CLEC16A: variants seen among roughly 807,000 people sequenced by gnomAD.
The protein encoded by CLEC16A is C-type lectin domain containing 16A, also known as protein CLEC16A.
Under a neutral mutation model 109.5 loss-of-function variants are expected in CLEC16A, and 51 were observed. The ratio of observed to expected loss-of-function variants is 0.47; its 90% CI spans 0.37 to 0.59. The LOEUF is 0.59. Among genes scored for constraint, CLEC16A ranks in the 20% least tolerant of loss-of-function variants. The probability of loss-of-function intolerance (pLI) is 0.00; values close to 1 mark genes in which losing one functional copy is unlikely to be tolerated. For synonymous variants in CLEC16A, 673 were observed against 564.2 expected (o/e 1.19, Z -2.73); for missense variants, 1,339 against 1,394.0 (o/e 0.96, Z 0.63).
chr16:11,068,420 C>T lies in CLEC16A; in HGVS notation c.2116+7398C>T, dbSNP rs1467406011. Reference sequence around the variant, plus strand: ...ATATGAGACAGTGACAGTCTGTCCACGCAGAGCCTGCATCCCCACAGGCAG... The same window carrying T: ...ATATGAGACAGTGACAGTCTGTCCATGCAGAGCCTGCATCCCCACAGGCAG... On this transcript the variant is annotated intron_variant, in intron 19 of 23. Coordinates refer to ENST00000409790, the MANE Select transcript of CLEC16A (RefSeq NM_015226.3). Among the ~76,000 whole-genome samples the T allele has an allele frequency of 3.3e-5, 5 of 152,336 alleles. No individual in the cohort carries two copies. In the East Asian group the frequency reaches 7.7e-4, roughly 23 times the overall value.
chr16:11,063,494 C>G (rs764518904), intron 19 of CLEC16A, among the ~76,000 whole-genome samples: 2 of 151,886 alleles, frequency 1.3e-5, no homozygotes, highest in Non-Finnish European at 2.9e-5. Flanking sequence ...AAGCTGACTC[C>G]GGGAGAAATG....
chr16:11,010,980 T>A (rs908927279), intron 11 of CLEC16A, among the ~76,000 whole-genome samples: 1 of 152,204 alleles, frequency 6.6e-6, no homozygotes, highest in Non-Finnish European at 1.5e-5. Context: ...ATGGGTGATG[T>A]CATGCACTTC....
chr16:11,034,441 T>G (rs894137596), intron 13 of CLEC16A, among the ~76,000 whole-genome samples: 4 of 152,184 alleles, frequency 2.6e-5, no homozygotes, highest in African/African-American at 7.2e-5. Context: ...CTACCCTAAA[T>G]GGGGGCTACT....
intron 22 of CLEC16A, among the ~76,000 whole-genome samples, chr16:11,147,663 G>A (rs1294538588): frequency 6.6e-6 from 1 of 152,144 alleles, no homozygotes; most frequent in Non-Finnish European, 1.5e-5. Flanking sequence ...ACTTTAAATG[G>A]ATTCATTGTA....
At chr16:10,971,413 C>A in intron 5 of CLEC16A, 183 bp downstream of exon 5, 1 of 463,238 alleles carries the variant, frequency 2.2e-6, no homozygotes, top group Non-Finnish European at 2.8e-6. Context: ...CATGGAAATC[C>A]TTGCCTTCTC....
At chr16:11,087,193 T>G (rs1405394305) in intron 19 of CLEC16A, among the ~76,000 whole-genome samples, 2 of 152,320 alleles carry the variant, frequency 1.3e-5, no homozygotes, top group East Asian at 3.9e-4. Flanking sequence ...TAAAACCATC[T>G]TAGGTCCCTG....
rs545597392 is a variant in CLEC16A, at chr16:11,010,108, G to A, written c.1303+6803G>A. Among the ~76,000 whole-genome samples, 72 of 151,996 alleles carry A rather than the reference G, an allele frequency of 4.7e-4. 1 individual carries two copies. Among genetic ancestry groups the A allele is most frequent in the Non-Finnish European group, 7.6e-4 (52 of 67,988 alleles). On this transcript the variant is annotated intron_variant, in intron 11 of 23. Coordinates refer to ENST00000409790, the MANE Select transcript of CLEC16A (RefSeq NM_015226.3). ...GTTGAAGCTACAGTGAACTGTGATC[G>A]TGCCACACACTCCAGCCGGGGTGAC...
intron 19 of CLEC16A, among the ~76,000 whole-genome samples, chr16:11,114,921 C>A (rs889567615): frequency 6.6e-6 from 1 of 152,252 alleles, no homozygotes; most frequent in African/African-American, 2.4e-5. Context: ...TCCTGTCTCA[C>A]TGGTGTGGCC....
intron 13 of CLEC16A, among the ~76,000 whole-genome samples, chr16:11,032,760 T>C (rs1189950787): frequency 6.6e-6 from 1 of 152,034 alleles, no homozygotes; most frequent in African/African-American, 2.4e-5. Flanking sequence ...GGGAGCAGCA[T>C]GTACAGAGGC....
chr16:11,027,318 G>A lies in CLEC16A; in HGVS notation c.1537+2397G>A, dbSNP rs951809887. The A allele has an allele frequency of 4.0e-5, 58 of 1,456,726 alleles. No homozygotes were observed. The Middle Eastern group carries it at 8.7e-4, about 22-fold the overall frequency. 90.2% of individuals were successfully genotyped at this position (1,456,726 alleles called of 1,614,324 possible). On this transcript the variant is annotated intron_variant, in intron 13 of 23. Transcript: ENST00000409790. ...TGTACGCATCGAAAGGATTGATGGC[G>A]TGAGTTTACTGGTGCAGAGAACCAT...
Position 11,069,205 on chromosome 16 carries a change from G to A in CLEC16A, c.2116+8183G>A, listed in dbSNP as rs576480825. Among the ~76,000 whole-genome samples, 4 of 152,132 alleles carry A rather than the reference G, an allele frequency of 2.6e-5. No homozygotes were observed. The South Asian group carries it at 8.3e-4, about 32-fold the overall frequency. ...TACAGTGGTATAATCACGGCTCAGT[G>A]CAGCCCCAACTTCCCAGGCTAGGGT... is the stretch of plus-strand genomic sequence containing the variant. On this transcript the variant is annotated intron_variant, in intron 19 of 23. Coordinates refer to ENST00000409790, the MANE Select transcript of CLEC16A (RefSeq NM_015226.3).
intron 22 of CLEC16A, among the ~76,000 whole-genome samples, chr16:11,128,986 C>A (rs1162450119): frequency 6.6e-6 from 1 of 152,200 alleles, no homozygotes; most frequent in Non-Finnish European, 1.5e-5. Context: ...GCACTTAGAA[C>A]AAAATCCACA....
chr16:10,962,535 T>A lies in CLEC16A; in HGVS notation c.290T>A (p.Leu97Gln), dbSNP rs747835303. The stretch of plus-strand genomic sequence containing the variant: ...TCGGGCCGTTACGTGTGCGTTCAGC[T>A]GCTGCAGACCTTGAACATCCTCTTT... ...QKSGRYVCVQLLQTLNILFEN... is the reference protein window; with the variant it reads ...QKSGRYVCVQQLQTLNILFEN... Residue 97 changes from leucine to glutamine, a missense_variant, in exon 3 of 24, where the codon CTG becomes CAG. Physicochemically the swap from Leu to Gln is moderately radical, Grantham distance 113. Around this residue, in one of 3 missense-constraint regions of CLEC16A, gnomAD observed 161 missense variants for 267.1 expected, o/e 0.60. Coordinates refer to ENST00000409790, the MANE Select transcript of CLEC16A (RefSeq NM_015226.3). The A allele has an allele frequency of 2.5e-6, 4 of 1,613,980 alleles. No homozygotes were observed. In the South Asian group the frequency reaches 4.4e-5, roughly 18 times the overall value.
At chr16:11,076,330 G>T (rs2049373635) in intron 19 of CLEC16A, among the ~76,000 whole-genome samples, 1 of 152,208 alleles carries the variant, frequency 6.6e-6, no homozygotes, top group African/African-American at 2.4e-5. Flanking sequence ...GCCCCACAGG[G>T]CTGCCAAAGC....
intron 19 of CLEC16A, among the ~76,000 whole-genome samples, chr16:11,096,419 G>A (rs1015414275): frequency 2.6e-5 from 4 of 152,172 alleles, no homozygotes; most frequent in African/African-American, 9.7e-5. Flanking sequence ...CACAGTCACA[G>A]TGGGTATGTT....
intron 4 of CLEC16A, among the ~76,000 whole-genome samples, 195 bp downstream of exon 4, chr16:10,969,504 T>C (rs1175713684): frequency 6.6e-6 from 1 of 152,168 alleles, no homozygotes; most frequent in African/African-American, 2.4e-5. Flanking sequence ...TAAGTTACCT[T>C]TCTATTAAAA....
chr16:10,962,886 C>T (rs141892626), intron 3 of CLEC16A, among the ~76,000 whole-genome samples: 64 of 152,098 alleles, frequency 4.2e-4, no homozygotes, highest in African/African-American at 1.5e-3. Flanking sequence ...GGTGAAACCC[C>T]GTCTCTACAA....
At chr16:10,989,268 T>G (rs1050248885) in intron 10 of CLEC16A, among the ~76,000 whole-genome samples, 1 of 152,164 alleles carries the variant, frequency 6.6e-6, no homozygotes, top group Non-Finnish European at 1.5e-5. Flanking sequence ...TTGCCCAGTC[T>G]GGAGAGCAGT....
At chr16:11,063,453 G>T (rs1221450505) in intron 19 of CLEC16A, among the ~76,000 whole-genome samples, 1 of 151,948 alleles carries the variant, frequency 6.6e-6, no homozygotes, top group African/African-American at 2.4e-5. Context: ...TGGAAGCTGG[G>T]CATGTTTTTG....
Sources: gnomAD v4.1 joint callset for allele counts (sites outside exome capture counted in the v4.1 genomes callset) on GRCh38, gnomAD v4.1.1 for gene constraint, gnomAD v4.1.1 regional missense constraint, MANE v1.5 for transcripts, NCBI Gene and HGNC (gene_info 2026-07-23, HGNC 2026-07-21) for gene names.